MAP3K15: variants seen among roughly 807,000 people sequenced by gnomAD.
The protein encoded by MAP3K15 is MAPK/ERK kinase kinase 15.
MAP3K15 carries 124 observed loss-of-function variants against 99.5 expected under a neutral mutation model. That is an observed-to-expected ratio of 1.25 (90% CI 1.08 to 1.45). MAP3K15 has a LOEUF of 1.45. Among genes scored for constraint, MAP3K15 ranks in the 40% most tolerant of loss-of-function variants. The pLI is 0.00. For synonymous variants in MAP3K15, 494 were observed against 439.6 expected (o/e 1.12, Z -1.55); for missense variants, 1,242 against 1,079.7 (o/e 1.15, Z -2.11).
intron 3 of MAP3K15, among the ~76,000 whole-genome samples, chrX:19,477,721 AAG>A (rs1441061872): frequency 1.2e-5 from 1 of 82,794 alleles, no homozygotes; most frequent in African/African-American, 4.2e-5. Flanking sequence ...AAAAAAAAAA[AAG>A]AAGAAAAGAA....
chrX:19,405,482 C>T (rs1168872803), intron 13 of MAP3K15, among the ~76,000 whole-genome samples: 1 of 112,428 alleles, frequency 8.9e-6, no homozygotes, highest in Non-Finnish European at 1.9e-5. Context: ...ATGATGAACT[C>T]TTTCAGGTGA....
At chrX:19,442,174 C>T (rs1159385540) in intron 6 of MAP3K15, among the ~76,000 whole-genome samples, 1 of 111,381 alleles carries the variant, frequency 9.0e-6, no homozygotes, top group Admixed American at 9.6e-5. Context: ...GGGATTCTCA[C>T]GCTAGGAAGA....
In MAP3K15 at chrX:19,395,838, T is replaced by A. The variant is rs5955767; in HGVS notation, c.2067-630A>T. On this transcript the variant is annotated intron_variant, in intron 15 of 28. Coordinates refer to ENST00000338883, the MANE Select transcript of MAP3K15 (RefSeq NM_001001671.4). ...TCAGTTCAGGCTAAGCCTTAAAAAA[T>A]TTTTTTTTGGCCTCATTTCAAGAGC... 9.9e-3 allele frequency among the ~76,000 whole-genome samples: 1,107 copies of A among 111,567 alleles called. 15 individuals carry two copies. Among genetic ancestry groups the A allele is most frequent in the African/African-American group, 0.032 (970 of 30,724 alleles).
At chrX:19,392,863 T>A (rs1268054407) in intron 16 of MAP3K15, among the ~76,000 whole-genome samples, 1 of 110,656 alleles carries the variant, frequency 9.0e-6, no homozygotes, top group Non-Finnish European at 1.9e-5. Context: ...CAGGTCTGTC[T>A]CAGTCATTCT....
At chrX:19,398,527 G>C (rs1053219271) in intron 14 of MAP3K15, among the ~76,000 whole-genome samples, 168 bp from the exon 15 acceptor site, 2 of 111,891 alleles carry the variant, frequency 1.8e-5, no homozygotes, top group African/African-American at 6.5e-5. Context: ...TGACTTTAAA[G>C]GGGCAGAATT....
chrX:19,456,757 T>C (rs1329381317), intron 6 of MAP3K15, among the ~76,000 whole-genome samples, 156 bp downstream of exon 6: 2 of 111,950 alleles, frequency 1.8e-5, no homozygotes, highest in Non-Finnish European at 3.8e-5. Flanking sequence ...GTATGCCAAA[T>C]ACAAAGTCCC....
intron 18 of MAP3K15, among the ~76,000 whole-genome samples, chrX:19,384,749 GAA>G (rs34619145): frequency 2.4e-3 from 55 of 22,538 alleles, no homozygotes; most frequent in African/African-American, 9.3e-3. Flanking sequence ...TGTCTCAGGG[GAA>G]AAAAAAAAAA....
At chrX:19,407,145 C>T (rs775608025) in intron 13 of MAP3K15, 43 bp downstream of exon 13, 38 of 782,540 alleles carry the variant, frequency 4.9e-5, no homozygotes, top group Non-Finnish European at 6.3e-5. Flanking sequence ...AAAAATGATT[C>T]GCCATAATTA....
intron 3 of MAP3K15, among the ~76,000 whole-genome samples, chrX:19,470,917 A>G (rs1384402122): frequency 8.9e-6 from 1 of 111,760 alleles, no homozygotes; most frequent in Non-Finnish European, 1.9e-5. Context: ...GGAAGGTATT[A>G]TAACAGTATC....
At chrX:19,458,539 G>A (rs963079087) in intron 5 of MAP3K15, among the ~76,000 whole-genome samples, 1 of 111,533 alleles carries the variant, frequency 9.0e-6, no homozygotes, top group Non-Finnish European at 1.9e-5. Flanking sequence ...AGTTAGCCAG[G>A]CAAGGTGGCA....
chrX:19,480,882 A>G (rs1192910212), intron 3 of MAP3K15, among the ~76,000 whole-genome samples: 2 of 107,228 alleles, frequency 1.9e-5, no homozygotes, highest in African/African-American at 6.8e-5. Flanking sequence ...TGGGAGGCTG[A>G]GGTGGGCAGA....
intron 13 of MAP3K15, 71 bp from the exon 14 acceptor site, chrX:19,400,734 T>C (rs191662444): frequency 1.4e-6 from 1 of 710,582 alleles, no homozygotes; most frequent in Non-Finnish European, 2.1e-6. Context: ...TAACTTAGCT[T>C]TATTAAACTG....
chrX:19,397,071 G>A (rs1335454978), intron 15 of MAP3K15, among the ~76,000 whole-genome samples: 1 of 109,260 alleles, frequency 9.2e-6, no homozygotes, highest in East Asian at 2.9e-4. Flanking sequence ...ACCCACCTAA[G>A]TTTTGTATTT....
At position 19,362,854 on chromosome X, in the gene MAP3K15, GT is replaced by G. The variant is rs2063302934; in HGVS notation, c.3567-5del. On this transcript the variant is annotated splice_region_variant and splice_polypyrimidine_tract_variant and intron_variant, in intron 25 of 28. Transcript: ENST00000338883. ...TTCAACTAGGTGTTCCAAAAGTCTG[GT>G]TTAAAAAAAAAAAAAAAAAGCCATT... is the stretch of plus-strand genomic sequence containing the variant. 4 of 893,614 alleles carry G rather than the reference GT, an allele frequency of 4.5e-6. No individual in the cohort carries two copies. The highest frequency in any genetic ancestry group is 3.0e-5 in the Admixed American group (1 of 33,376). The allele number at this position is 893,614 out of a possible 1,213,427, so 73.6% of individuals were successfully genotyped here.
chrX:19,412,245 A>G (rs1293228457), intron 11 of MAP3K15, among the ~76,000 whole-genome samples: 1 of 112,229 alleles, frequency 8.9e-6, no homozygotes, highest in East Asian at 2.8e-4. Context: ...TGGGAGGAAC[A>G]TTTACTAGTT....
At position 19,402,385 on chromosome X, in the gene MAP3K15, C is replaced by T. The variant is rs181471521; in HGVS notation, c.1845-1722G>A. 9.0e-5 allele frequency among the ~76,000 whole-genome samples: 10 copies of T among 111,246 alleles called. No homozygotes were observed. In the Admixed American group the frequency reaches 9.6e-4, roughly 11 times the overall value. ...CATTGCTAGTGGGAGTGTAAATTGACATGACCACTTTGGAAAACTCTTGGC... is the reference window on the plus strand; with the variant it reads ...CATTGCTAGTGGGAGTGTAAATTGATATGACCACTTTGGAAAACTCTTGGC... On this transcript the variant is annotated intron_variant, in intron 13 of 28. Coordinates refer to ENST00000338883, the MANE Select transcript of MAP3K15 (RefSeq NM_001001671.4).
intron 24 of MAP3K15, among the ~76,000 whole-genome samples, chrX:19,369,644 C>T (rs1163821297): frequency 1.8e-5 from 2 of 111,225 alleles, no homozygotes; most frequent in East Asian, 2.8e-4. Context: ...GGTCCAGGCG[C>T]AGTGGCTCAC....
At chrX:19,429,466 G>C (rs767442757) in intron 7 of MAP3K15, among the ~76,000 whole-genome samples, 151 of 110,599 alleles carry the variant, frequency 1.4e-3, no homozygotes, top group Non-Finnish European at 2.0e-3. Flanking sequence ...CTGACTGAAA[G>C]TTTAGACCTA....
intron 3 of MAP3K15, among the ~76,000 whole-genome samples, chrX:19,479,888 A>G (rs1432794860): frequency 8.9e-6 from 1 of 112,799 alleles, no homozygotes; most frequent in African/African-American, 3.2e-5. Flanking sequence ...CCATTTGTAT[A>G]GAACTCTGAC....
Sources: allele counts gnomAD v4.1 joint callset (sites outside exome capture counted in the v4.1 genomes callset), GRCh38; gene constraint gnomAD v4.1.1; transcripts MANE v1.5; gene names NCBI Gene and HGNC (gene_info 2026-07-23, HGNC 2026-07-21).